Variants in SLC24A3 observed in about 807,000 individuals in gnomAD.
The protein encoded by SLC24A3 is solute carrier family 24 member 3.
A neutral mutation model predicts 75.8 loss-of-function variants in SLC24A3; 28 were observed. The ratio of observed to expected loss-of-function variants is 0.37; its 90% CI spans 0.27 to 0.51. The LOEUF is 0.51. Ranked by LOEUF, SLC24A3 falls within the 20% of genes least tolerant of loss-of-function variation. SLC24A3 has a pLI of 0.94. For missense variants in SLC24A3, 663 were observed against 847.8 expected (o/e 0.78, Z 2.71); for synonymous variants, 372 against 334.1 (o/e 1.11, Z -1.24).
At chr20:19,256,869 T>C (rs1398676544) in intron 1 of SLC24A3, among the ~76,000 whole-genome samples, 1 of 152,096 alleles carries the variant, frequency 6.6e-6, no homozygotes, top group Non-Finnish European at 1.5e-5. Context: ...GAAATGTTAA[T>C]ATTTTGGATA....
intron 2 of SLC24A3, among the ~76,000 whole-genome samples, chr20:19,495,883 T>A (rs570622855): frequency 1.0e-3 from 158 of 152,350 alleles, no homozygotes; most frequent in African/African-American, 3.6e-3. Flanking sequence ...CACCTGAGTC[T>A]GCGCCTGCTT....
chr20:19,634,769 G>C (rs1469662398), intron 6 of SLC24A3, among the ~76,000 whole-genome samples: 1 of 151,916 alleles, frequency 6.6e-6, no homozygotes, highest in Admixed American at 6.6e-5. Flanking sequence ...CTGGAAGCCG[G>C]GGGGGACACT....
At chr20:19,347,254 G>A (rs566776404) in intron 2 of SLC24A3, among the ~76,000 whole-genome samples, 1 of 152,210 alleles carries the variant, frequency 6.6e-6, no homozygotes, top group South Asian at 2.1e-4. Context: ...AGTGTAGAGG[G>A]TTTTTAAGGT....
intron 2 of SLC24A3, among the ~76,000 whole-genome samples, chr20:19,469,748 G>C (rs1987834428): frequency 6.6e-6 from 1 of 152,178 alleles, no homozygotes; most frequent in South Asian, 2.1e-4. Flanking sequence ...ACATGTCTGG[G>C]TCGGGGAAGA....
At chr20:19,239,677 G>A (rs950205727) in intron 1 of SLC24A3, among the ~76,000 whole-genome samples, 1 of 152,224 alleles carries the variant, frequency 6.6e-6, no homozygotes, top group African/African-American at 2.4e-5. Context: ...ATATTAGCAG[G>A]TAACCAATTT....
intron 7 of SLC24A3, among the ~76,000 whole-genome samples, chr20:19,661,742 G>C (rs2122717102): frequency 6.6e-6 from 1 of 152,290 alleles, no homozygotes; most frequent in South Asian, 2.1e-4. Context: ...CCCAGGGGCT[G>C]ACATGGCGAT....
intron 2 of SLC24A3, among the ~76,000 whole-genome samples, chr20:19,399,523 A>G (rs1232890111): frequency 1.3e-5 from 2 of 152,128 alleles, no homozygotes; most frequent in Admixed American, 1.3e-4. Flanking sequence ...GAAATATATT[A>G]TTTGTTTCCA....
Position 19,681,907 on chromosome 20 carries a change from G to A in SLC24A3, c.817G>A (p.Gly273Arg), listed in dbSNP as rs144722474. ...CTTTGAGAGGAGGACAAAAGGTGCCGGGAACATGGTCAACGGATTGGCCAA... is the reference window on the plus strand; with the variant it reads ...CTTTGAGAGGAGGACAAAAGGTGCCAGGAACATGGTCAACGGATTGGCCAA... ...QCFERRTKGA[G>R]NMVNGLANNA... The change falls in exon 10 of 17, where the codon GGG (glycine) becomes AGG (arginine). Residue 273 changes from glycine to arginine, a missense_variant. By Grantham distance (125) the Gly-to-Arg change is moderately radical. Coordinates refer to ENST00000328041, the MANE Select transcript of SLC24A3 (RefSeq NM_020689.4). The A allele has an allele frequency of 2.6e-4, 415 of 1,614,002 alleles. No individual in the cohort carries two copies. Among genetic ancestry groups the A allele is most frequent in the Non-Finnish European group, 3.0e-4 (349 of 1,180,022 alleles).
intron 1 of SLC24A3, among the ~76,000 whole-genome samples, chr20:19,251,988 C>T (rs1027467224): frequency 2.2e-4 from 34 of 152,144 alleles, no homozygotes; most frequent in East Asian, 3.9e-4. Flanking sequence ...ATATCCTGAA[C>T]GCCACCTAAT....
chr20:19,579,489 C>T (rs115606852), intron 3 of SLC24A3, among the ~76,000 whole-genome samples: 2 of 152,144 alleles, frequency 1.3e-5, no homozygotes, highest in Admixed American at 6.5e-5. Context: ...CTGACTGCTG[C>T]GGATATGGCA....
At chr20:19,218,927 T>C (rs553329037) in intron 1 of SLC24A3, among the ~76,000 whole-genome samples, 1 of 152,326 alleles carries the variant, frequency 6.6e-6, no homozygotes, top group Admixed American at 6.5e-5. Context: ...TTAGAAAATG[T>C]TCCCAAAGTT....
chr20:19,576,913 A>C lies in SLC24A3; in HGVS notation c.349-3087A>C, dbSNP rs566228579. 6.6e-5 allele frequency among the ~76,000 whole-genome samples: 10 copies of C among 152,304 alleles called. No homozygotes were observed. The South Asian group carries it at 2.1e-3, about 32-fold the overall frequency. ...AATTACCTAATGTGAGTGTCCTTTC[A>C]AAGCTAATCCTAAAACCTGCATATC... is the stretch of plus-strand genomic sequence containing the variant. On this transcript the variant is annotated intron_variant, in intron 3 of 16. Transcript: ENST00000328041.
intron 2 of SLC24A3, among the ~76,000 whole-genome samples, chr20:19,336,795 G>A (rs546493716): frequency 2.0e-5 from 3 of 151,482 alleles, no homozygotes; most frequent in South Asian, 4.2e-4. Context: ...CGTTAGATTC[G>A]CCTATGCTTG....
chr20:19,355,734 A>G (rs990357386), intron 2 of SLC24A3, among the ~76,000 whole-genome samples: 4 of 152,246 alleles, frequency 2.6e-5, no homozygotes, highest in Non-Finnish European at 5.9e-5. Context: ...TCCGCACATT[A>G]GTGGCAAGAT....
At chr20:19,702,375 A>G (rs1369271175) in intron 15 of SLC24A3, among the ~76,000 whole-genome samples, 1 of 152,252 alleles carries the variant, frequency 6.6e-6, no homozygotes, top group South Asian at 2.1e-4. Flanking sequence ...TGAAGATGAC[A>G]TAATTGGATC....
chr20:19,615,257 T>C (rs1374915607), intron 6 of SLC24A3, among the ~76,000 whole-genome samples: 1 of 152,222 alleles, frequency 6.6e-6, no homozygotes, highest in Non-Finnish European at 1.5e-5. Flanking sequence ...TTGGGTTCTC[T>C]GGAAGCAGAC....
intron 8 of SLC24A3, among the ~76,000 whole-genome samples, chr20:19,672,050 A>T (rs187992357): frequency 6.6e-6 from 1 of 152,244 alleles, no homozygotes; most frequent in East Asian, 1.9e-4. Flanking sequence ...ATCGAACAGG[A>T]TGATGGACAA....
At chr20:19,377,173 GGA>G (rs1421696540) in intron 2 of SLC24A3, among the ~76,000 whole-genome samples, 2 of 152,102 alleles carry the variant, frequency 1.3e-5, no homozygotes, top group African/African-American at 4.8e-5. Flanking sequence ...GGTGTGTGGG[GGA>G]TTAACTTTGA....
At chr20:19,604,249 G>T (rs1453623477) in intron 6 of SLC24A3, among the ~76,000 whole-genome samples, 1 of 151,524 alleles carries the variant, frequency 6.6e-6, no homozygotes, top group Non-Finnish European at 1.5e-5. Context: ...GGAGTGAGGG[G>T]CTGGCATGAG....
Sources: gnomAD v4.1 joint callset for allele counts (sites outside exome capture counted in the v4.1 genomes callset) on GRCh38, gnomAD v4.1.1 for gene constraint, MANE v1.5 for transcripts, NCBI Gene and HGNC (gene_info 2026-07-23, HGNC 2026-07-21) for gene names.